The following INTS6 variants were observed in gnomAD, a reference collection of about 807,000 sequenced individuals.
The protein encoded by INTS6 is integrator complex subunit 6, also known as DEAD box protein.
INTS6 carries 16 observed loss-of-function variants against 104.9 expected under a neutral mutation model. The observed-to-expected ratio is 0.15, with a 90% CI of 0.10 to 0.23. INTS6 has a LOEUF of 0.23. Ranked by LOEUF, INTS6 falls within the 10% of genes least tolerant of loss-of-function variation. The pLI, the probability that INTS6 is intolerant of heterozygous loss-of-function variation, is 1.00. For synonymous variants in INTS6, 324 were observed against 358.7 expected (o/e 0.90, Z 1.09); for missense variants, 584 against 1,062.8 (o/e 0.55, Z 6.26).
intron 10 of INTS6, among the ~76,000 whole-genome samples, chr13:51,381,703 T>TC (rs1956052511): frequency 7.3e-6 from 1 of 136,950 alleles, no homozygotes; most frequent in Non-Finnish European, 1.6e-5. Flanking sequence ...AGTTTTTTGT[T>TC]TTTTTTTTTT....
intron 5 of INTS6, among the ~76,000 whole-genome samples, chr13:51,390,699 A>G (rs1326463188): frequency 3.3e-5 from 5 of 152,116 alleles, no homozygotes; most frequent in Non-Finnish European, 7.4e-5. Flanking sequence ...AGAAAAGAGA[A>G]CATTATAGAC....
chr13:51,423,302 A>G (rs551346648), intron 4 of INTS6, among the ~76,000 whole-genome samples: 1 of 152,024 alleles, frequency 6.6e-6, no homozygotes, highest in African/African-American at 2.4e-5. Context: ...TTCTTTATAA[A>G]CTGCTCTCAT....
At position 51,363,995 on chromosome 13, in the gene INTS6, ACTT is replaced by A. The variant is rs1955635656; in HGVS notation, c.*1754_*1756del. The A allele has an allele frequency of 3.4e-6, 1 of 290,784 alleles. No individual in the cohort carries two copies. The highest frequency in any genetic ancestry group is 1.5e-4 in the South Asian group (1 of 6,614). 18.0% of individuals were successfully genotyped at this position (290,784 alleles called of 1,614,324 possible). ...TTAAGTATGAATTTTTATCTGAATG[ACTT>A]CTAATTCCTCCTAGTAATTCCAGAA... On this transcript the variant is annotated 3_prime_UTR_variant, in exon 18 of 18. Coordinates refer to ENST00000311234, the MANE Select transcript of INTS6 (RefSeq NM_012141.3).
intron 17 of INTS6, among the ~76,000 whole-genome samples, chr13:51,366,145 C>G (rs780146175): frequency 6.6e-6 from 1 of 151,822 alleles, no homozygotes; most frequent in Non-Finnish European, 1.5e-5. Context: ...CTAATATATT[C>G]AAAATATATT....
chr13:51,372,119 C>G (rs1955818292), intron 15 of INTS6, among the ~76,000 whole-genome samples: 1 of 152,170 alleles, frequency 6.6e-6, no homozygotes, highest in Non-Finnish European at 1.5e-5. Flanking sequence ...ATACCATGCT[C>G]TTTTCCCATC....
At chr13:51,377,623 T>C (rs191269218) in intron 12 of INTS6, among the ~76,000 whole-genome samples, 6 of 152,238 alleles carry the variant, frequency 3.9e-5, no homozygotes, top group Non-Finnish European at 8.8e-5. Flanking sequence ...GAATTGACTG[T>C]GTGTGTGAGG....
intron 5 of INTS6, among the ~76,000 whole-genome samples, chr13:51,393,356 G>A (rs2137959640): frequency 6.6e-6 from 1 of 152,264 alleles, no homozygotes; most frequent in South Asian, 2.1e-4. Context: ...GGGATTACAG[G>A]CATGAGCCAC....
the INTS6 span, among the ~76,000 whole-genome samples, chr13:51,338,216 T>C: frequency 1.3e-5 from 2 of 152,152 alleles, no homozygotes; most frequent in Admixed American, 6.5e-5. Flanking sequence ...ATCAGCTGTT[T>C]CCCCTGGAAT....
intron 4 of INTS6, among the ~76,000 whole-genome samples, chr13:51,410,351 C>A (rs1480895203): frequency 6.6e-6 from 1 of 152,132 alleles, no homozygotes; most frequent in Non-Finnish European, 1.5e-5. Flanking sequence ...GTAGTTGACA[C>A]CATGTTGTAT....
At chr13:51,367,667 T>A (rs1408629512) in intron 17 of INTS6, 138 bp downstream of exon 17, 5 of 505,208 alleles carry the variant, frequency 9.9e-6, no homozygotes, top group Non-Finnish European at 1.7e-5. Context: ...TAAAAAAGAA[T>A]AAGAATTTAT....
the INTS6 span, chr13:51,348,532 T>C: frequency 1.4e-6 from 1 of 737,990 alleles, no homozygotes; most frequent in Non-Finnish European, 2.2e-6. Flanking sequence ...TTGTTTAATA[T>C]GTATCCCCAG....
rs139817301 is a variant in INTS6, at chr13:51,414,869, C to CACACACAG, written c.429+15424_429+15425insCTGTGTGT. Reference sequence around the variant, plus strand: ...ACACACACACACACACACACACACACAGTTCTAAGACTCAAGATTGAATTC... The same window carrying CACACACAG: ...ACACACACACACACACACACACACACACACACAGAGTTCTAAGACTCAAGATTGAATTC... On this transcript the variant is annotated intron_variant, in intron 4 of 17. Coordinates refer to ENST00000311234, the MANE Select transcript of INTS6 (RefSeq NM_012141.3). 7.5e-3 allele frequency among the ~76,000 whole-genome samples: 1,136 copies of CACACACAG among 150,702 alleles called. 11 individuals carry two copies. The highest frequency in any genetic ancestry group is 0.026 in the African/African-American group (1,087 of 41,094).
At chr13:51,368,030 CATTA>C in intron 16 of INTS6, 132 bp from the exon 17 acceptor site, 1 of 511,054 alleles carries the variant, frequency 2.0e-6, no homozygotes, top group Non-Finnish European at 3.4e-6. Context: ...TTTCACCACT[CATTA>C]GAGATTTTAT....
chr13:51,374,518 G>T, intron 14 of INTS6, 79 bp from the exon 15 acceptor site: 1 of 1,517,176 alleles, frequency 6.6e-7, no homozygotes, highest in Non-Finnish European at 9.1e-7. Context: ...TTCCAATGAA[G>T]GTAACTATAT....
rs1955722059 is a variant in INTS6, at chr13:51,367,802, T to C, written c.2570+3A>G. On this transcript the variant is annotated splice_donor_region_variant and intron_variant, in intron 17 of 17. Coordinates refer to ENST00000311234, the MANE Select transcript of INTS6 (RefSeq NM_012141.3). ...ATTTCATTATATGCAATAGTTTATT[T>C]ACCTTGATGCTTCTTTAATGACATT... is the stretch of plus-strand genomic sequence containing the variant. The C allele has an allele frequency of 1.3e-6, 2 of 1,509,188 alleles. No individual in the cohort carries two copies. The highest frequency in any genetic ancestry group is 1.8e-6 in the Non-Finnish European group (2 of 1,095,574). The allele number at this position is 1,509,188 out of a possible 1,614,324, so 93.5% of individuals were successfully genotyped here.
intron 5 of INTS6, among the ~76,000 whole-genome samples, chr13:51,393,407 T>C (rs1449648857): frequency 6.6e-6 from 1 of 152,152 alleles, no homozygotes; most frequent in East Asian, 1.9e-4. Flanking sequence ...GCACAGGAAT[T>C]GTTAGCAGTG....
chr13:51,451,993 C>A lies in INTS6; in HGVS notation c.174G>T (p.Pro58=). Residue 58 remains proline, a synonymous_variant, in exon 2 of 18, where the codon CCG becomes CCT. Transcript: ENST00000311234. ...DRYMLVTFEE[P]PYAIKAGWKE... is the part of the protein sequence containing the mutation. ...GGGCTGTTACCTTGATAGCATAGGG[C>A]GGCTCTTCGAAAGTGACCAGCATAT... The A allele has an allele frequency of 6.2e-7, 1 of 1,609,266 alleles. No homozygotes were observed. The highest frequency in any genetic ancestry group is 8.5e-7 in the Non-Finnish European group (1 of 1,177,170).
intron 2 of INTS6, among the ~76,000 whole-genome samples, 171 bp downstream of exon 2, chr13:51,451,807 G>T (rs938592398): frequency 1.1e-4 from 16 of 150,334 alleles, no homozygotes; most frequent in African/African-American, 3.9e-4. Flanking sequence ...GCGCTAGGAC[G>T]CTGCCGAGCG....
At chr13:51,368,403 A>G (rs1955734663) in intron 16 of INTS6, among the ~76,000 whole-genome samples, 1 of 152,142 alleles carries the variant, frequency 6.6e-6, no homozygotes, top group South Asian at 2.1e-4. Flanking sequence ...AGGTCATTCT[A>G]CTACCCCAGG....
Sources: allele counts gnomAD v4.1 joint callset (sites outside exome capture counted in the v4.1 genomes callset), GRCh38; gene constraint gnomAD v4.1.1; transcripts MANE v1.5; gene names NCBI Gene and HGNC (gene_info 2026-07-23, HGNC 2026-07-21).